The following DIP2C variants were observed in gnomAD, a reference collection of about 807,000 sequenced individuals.
The protein encoded by DIP2C is DIP2 acetate--CoA ligase C (putative), also known as disco-interacting protein 2 homolog C.
In DIP2C, 33 loss-of-function variants were observed where a neutral mutation model predicts 192.4. That is an observed-to-expected ratio of 0.17 (90% CI 0.13 to 0.23). The LOEUF (loss-of-function observed/expected upper bound fraction) is 0.23. DIP2C is among the 10% of genes least tolerant of loss of function. The pLI is 1.00. For missense variants in DIP2C, 1,537 were observed against 2,110.1 expected (o/e 0.73, Z 5.32); for synonymous variants, 979 against 864.1 (o/e 1.13, Z -2.33).
chr10:478,736 C>A (rs1450795680), intron 2 of DIP2C, among the ~76,000 whole-genome samples: 1 of 150,946 alleles, frequency 6.6e-6, no homozygotes, highest in Admixed American at 6.6e-5. Flanking sequence ...GGTGTAGACA[C>A]ATCCAAATTC....
intron 3 of DIP2C, among the ~76,000 whole-genome samples, chr10:442,161 C>T (rs910344875): frequency 1.1e-4 from 17 of 152,138 alleles, no homozygotes; most frequent in African/African-American, 2.7e-4. Flanking sequence ...TGAGTGAAGA[C>T]GGGTTGGGGG....
intron 1 of DIP2C, among the ~76,000 whole-genome samples, chr10:640,704 CGGGGAAGAGG>C (rs1286342625): frequency 3.2e-4 from 40 of 125,652 alleles, no homozygotes; most frequent in African/African-American, 1.2e-3. Context: ...AGGCTGCGCG[CGGGGAAGAGG>C]CTGCGCGCGG....
chr10:534,990 T>C (rs1847617136), intron 1 of DIP2C, among the ~76,000 whole-genome samples: 1 of 152,186 alleles, frequency 6.6e-6, no homozygotes. Context: ...TGATTATTTT[T>C]AACAATAGGT....
At chr10:612,919 T>C (rs1225301082) in intron 1 of DIP2C, among the ~76,000 whole-genome samples, 1 of 152,132 alleles carries the variant, frequency 6.6e-6, no homozygotes, top group Non-Finnish European at 1.5e-5. Flanking sequence ...TACTGTTAAA[T>C]GCATGTAAAA....
intron 1 of DIP2C, among the ~76,000 whole-genome samples, chr10:518,324 C>T (rs895516936): frequency 6.6e-6 from 1 of 152,264 alleles, no homozygotes; most frequent in Non-Finnish European, 1.5e-5. Flanking sequence ...GCCAGGAAAG[C>T]AGCTCCGATT....
chr10:681,589 A>C (rs1349914284), intron 1 of DIP2C, among the ~76,000 whole-genome samples: 3 of 151,816 alleles, frequency 2.0e-5, no homozygotes, highest in Admixed American at 2.0e-4. Flanking sequence ...CAGGGAACAC[A>C]GACCCTTAGT....
chr10:438,362 G>A (rs536181974), intron 4 of DIP2C, among the ~76,000 whole-genome samples: 53 of 152,124 alleles, frequency 3.5e-4, no homozygotes, highest in African/African-American at 8.4e-4. Context: ...CCAAGAATTC[G>A]GTTTAAAATA....
At chr10:515,122 A>T (rs559249629) in intron 1 of DIP2C, among the ~76,000 whole-genome samples, 9 of 152,318 alleles carry the variant, frequency 5.9e-5, no homozygotes, top group African/African-American at 2.2e-4. Flanking sequence ...TAACTATCCA[A>T]AATGCCTCAG....
chr10:282,894 C>T (rs994031637), intron 35 of DIP2C, among the ~76,000 whole-genome samples: 1 of 152,256 alleles, frequency 6.6e-6, no homozygotes, highest in Non-Finnish European at 1.5e-5. Context: ...ACTGGGACAG[C>T]TTCTGTCTCA....
At chr10:384,670 G>C (rs1962715865) in intron 14 of DIP2C, 31 bp from the exon 15 acceptor site, 3 of 1,605,762 alleles carry the variant, frequency 1.9e-6, no homozygotes, top group South Asian at 2.2e-5. Context: ...CGCAGGGTGA[G>C]CATGGAGGGG....
At chr10:621,334 A>T (rs1379373506) in intron 1 of DIP2C, among the ~76,000 whole-genome samples, 1 of 151,320 alleles carries the variant, frequency 6.6e-6, no homozygotes, top group Non-Finnish European at 1.5e-5. Context: ...CAAGGTGTGC[A>T]CACATGCTCT....
chr10:626,633 G>C (rs539311273), intron 1 of DIP2C, among the ~76,000 whole-genome samples: 3 of 151,966 alleles, frequency 2.0e-5, no homozygotes, highest in Admixed American at 2.0e-4. Context: ...GAGGCATTCC[G>C]GCCTATTCAG....
intron 9 of DIP2C, among the ~76,000 whole-genome samples, chr10:401,270 G>A (rs1217116020): frequency 6.6e-6 from 1 of 151,360 alleles, no homozygotes; most frequent in South Asian, 2.1e-4. Flanking sequence ...TTTTACATGT[G>A]GGGTAGCATT....
intron 13 of DIP2C, among the ~76,000 whole-genome samples, chr10:389,726 C>A (rs1321144698): frequency 6.6e-6 from 1 of 152,214 alleles, no homozygotes. Flanking sequence ...CTGGAAGAGA[C>A]CCCCACTGGG....
chr10:377,470 T>C (rs1275165994), intron 17 of DIP2C, among the ~76,000 whole-genome samples: 1 of 152,248 alleles, frequency 6.6e-6, no homozygotes, highest in Non-Finnish European at 1.5e-5. Flanking sequence ...CTAACTCTCA[T>C]GGTCTGGGTC....
At chr10:455,329 C>CCAT in intron 3 of DIP2C, among the ~76,000 whole-genome samples, 2 of 140,810 alleles carry the variant, frequency 1.4e-5, no homozygotes, top group Non-Finnish European at 3.2e-5. Flanking sequence ...GAGGGGAGAC[C>CCAT]GTGAGGAATA....
chr10:570,848 G>A lies in DIP2C; in HGVS notation c.86-84318C>T, dbSNP rs1435683596. Among the ~76,000 whole-genome samples, 3 of 152,360 alleles carry A rather than the reference G, an allele frequency of 2.0e-5. No homozygotes were observed. In the East Asian group the frequency reaches 5.8e-4, roughly 29 times the overall value. ...AAGAAACGCAGAGCATGGAGCTCTG[G>A]TAATAATTAAAAGCGTGTTTCATTC... On this transcript the variant is annotated intron_variant, in intron 1 of 36. Transcript: ENST00000280886.
At chr10:616,660 C>T (rs187980248) in intron 1 of DIP2C, among the ~76,000 whole-genome samples, 3 of 152,188 alleles carry the variant, frequency 2.0e-5, no homozygotes, top group South Asian at 2.1e-4. Context: ...GAGCAGAGTG[C>T]GGGAAGGACC....
At chr10:606,001 AAG>A (rs1491430343) in intron 1 of DIP2C, among the ~76,000 whole-genome samples, 2 of 152,142 alleles carry the variant, frequency 1.3e-5, no homozygotes, top group Non-Finnish European at 2.9e-5. Context: ...CGGCTCCTGT[AAG>A]ACTCTCTGCA....
Sources: allele counts gnomAD v4.1 joint callset (sites outside exome capture counted in the v4.1 genomes callset), GRCh38; gene constraint gnomAD v4.1.1; transcripts MANE v1.5; gene names NCBI Gene and HGNC (gene_info 2026-07-23, HGNC 2026-07-21).